The following TMEM272 variants were observed in gnomAD, a reference collection of about 807,000 sequenced individuals.
TMEM272 encodes transmembrane protein 272.
A neutral mutation model predicts 3.7 loss-of-function variants in TMEM272; 8 were observed. The observed-to-expected ratio is 2.17, with a 90% CI of 1.27 to 3.91. The LOEUF is 3.91. TMEM272 is among the 30% of genes most tolerant of loss of function. The pLI, the probability that TMEM272 is intolerant of heterozygous loss-of-function variation, is 0.00. For synonymous variants in TMEM272, 63 were observed against 39.8 expected, an observed-to-expected ratio of 1.58 and a Z score of -2.20; for missense variants, 166 against 91.5, an observed-to-expected ratio of 1.81 and a Z score of -3.32.
At chr13:51,869,398 C>CT in the TMEM272 span, among the ~76,000 whole-genome samples, 1 of 152,150 alleles carries the variant, frequency 6.6e-6, no homozygotes, top group Non-Finnish European at 1.5e-5. Flanking sequence ...ATCAATGGGG[C>CT]TAGCTCCACC....
At chr13:51,933,983 G>A in the TMEM272 span, 1 of 152,876 alleles carries the variant, frequency 6.5e-6, no homozygotes, top group Non-Finnish European at 1.5e-5. Flanking sequence ...CTATTGAGAA[G>A]CCAACACTCC....
chr13:51,872,385 A>G, the TMEM272 span, among the ~76,000 whole-genome samples: 2 of 151,706 alleles, frequency 1.3e-5, no homozygotes, highest in African/African-American at 4.8e-5. Flanking sequence ...AAACATAGAT[A>G]GGGGAAGTTT....
chr13:51,922,079 T>G, the TMEM272 span, among the ~76,000 whole-genome samples: 1 of 152,350 alleles, frequency 6.6e-6, no homozygotes, highest in South Asian at 2.1e-4. Flanking sequence ...CAGGCAGCCC[T>G]GGCCTCTTGA....
At chr13:51,847,769 A>T (rs1482628800), upstream of TMEM272, among the ~76,000 whole-genome samples, 1 of 152,162 alleles carries the variant, frequency 6.6e-6, no homozygotes, top group African/African-American at 2.4e-5. Context: ...GTGGCCAAAA[A>T]GGGGCAGCAG....
the TMEM272 span, among the ~76,000 whole-genome samples, chr13:51,866,488 T>C: frequency 6.6e-6 from 1 of 151,542 alleles, no homozygotes; most frequent in African/African-American, 2.4e-5. Context: ...TGTGGGGAGG[T>C]CACTTCTCCT....
chr13:51,850,699 T>C, the TMEM272 span, among the ~76,000 whole-genome samples: 78 of 152,364 alleles, frequency 5.1e-4, no homozygotes, highest in African/African-American at 1.8e-3. Context: ...TACTTTTTGA[T>C]ATTTAAAATT....
At chr13:51,818,220 G>A (rs1956050775) in intron 4 of TMEM272, among the ~76,000 whole-genome samples, 1 of 152,152 alleles carries the variant, frequency 6.6e-6, no homozygotes, top group Admixed American at 6.5e-5. Flanking sequence ...CTGAGCTTGA[G>A]TGAAATGGAA....
At chr13:51,915,148 A>G in the TMEM272 span, among the ~76,000 whole-genome samples, 1 of 152,254 alleles carries the variant, frequency 6.6e-6, no homozygotes, top group Non-Finnish European at 1.5e-5. Context: ...ACACTTCTGC[A>G]ATACTTTTAT....
chr13:51,920,496 T>A, the TMEM272 span, among the ~76,000 whole-genome samples: 1 of 152,202 alleles, frequency 6.6e-6, no homozygotes, highest in Non-Finnish European at 1.5e-5. Flanking sequence ...TCCCAGCAGC[T>A]TTGCAATAAA....
the TMEM272 span, among the ~76,000 whole-genome samples, chr13:51,889,108 C>T: frequency 6.6e-6 from 1 of 152,148 alleles, no homozygotes; most frequent in Non-Finnish European, 1.5e-5. Context: ...AACACATTTT[C>T]GTTATTACTG....
At chr13:51,896,270 T>C in the TMEM272 span, among the ~76,000 whole-genome samples, 2 of 152,180 alleles carry the variant, frequency 1.3e-5, no homozygotes, top group Non-Finnish European at 1.5e-5. Flanking sequence ...GCTTGGTGAA[T>C]ATAAAAGATT....
the TMEM272 span, among the ~76,000 whole-genome samples, chr13:51,927,333 T>C: frequency 1.3e-5 from 2 of 152,188 alleles, no homozygotes; most frequent in South Asian, 2.1e-4. Context: ...GCTGCTGTGA[T>C]GGAAGTACCA....
intron 2 of TMEM272, among the ~76,000 whole-genome samples, chr13:51,833,821 T>C (rs1231298872): frequency 6.6e-6 from 1 of 152,166 alleles, no homozygotes; most frequent in East Asian, 1.9e-4. Context: ...GCCATCTCTT[T>C]CTCTGATCCC....
chr13:51,867,184 C>T, the TMEM272 span, among the ~76,000 whole-genome samples: 1 of 152,184 alleles, frequency 6.6e-6, no homozygotes, highest in East Asian at 1.9e-4. Flanking sequence ...ACTAGACAAG[C>T]ACTTTCTCAT....
chr13:51,851,433 C>T, the TMEM272 span, among the ~76,000 whole-genome samples: 5 of 124,208 alleles, frequency 4.0e-5, no homozygotes, highest in Admixed American at 1.8e-4. Flanking sequence ...AAGAAGAAGA[C>T]GCCCTACATT....
chr13:51,918,640 C>T, the TMEM272 span, among the ~76,000 whole-genome samples: 1 of 151,778 alleles, frequency 6.6e-6, no homozygotes, highest in East Asian at 1.9e-4. Flanking sequence ...TTTAGTTAGT[C>T]TTTGGAACAA....
At chr13:51,835,088 C>T (rs1593597097) in intron 2 of TMEM272, among the ~76,000 whole-genome samples, 1 of 152,110 alleles carries the variant, frequency 6.6e-6, no homozygotes, top group South Asian at 2.1e-4. Context: ...GATGAACGCC[C>T]AGATAAACAA....
At chr13:51,909,267 T>C in the TMEM272 span, 2 of 1,056,872 alleles carry the variant, frequency 1.9e-6, no homozygotes, top group African/African-American at 1.6e-5. Flanking sequence ...TTTCTCATGG[T>C]ATATAATCTT....
intron 3 of TMEM272, among the ~76,000 whole-genome samples, chr13:51,825,716 C>T (rs1355532530): frequency 3.4e-4 from 51 of 151,570 alleles, no homozygotes; most frequent in Admixed American, 3.1e-3. Context: ...CCACCTCAGT[C>T]CCCCGAGTAG....
Sources: gnomAD v4.1 joint callset for allele counts (sites outside exome capture counted in the v4.1 genomes callset) on GRCh38, gnomAD v4.1.1 for gene constraint, MANE v1.5 for transcripts, NCBI Gene and HGNC (gene_info 2026-07-23, HGNC 2026-07-21) for gene names.